Variants in PPP2R2C observed in about 807,000 individuals in gnomAD.
PPP2R2C encodes protein phosphatase 2 regulatory subunit Bgamma, also known as protein phosphatase 2, regulatory subunit B, gamma.
In PPP2R2C, 10 loss-of-function variants were observed where a neutral mutation model predicts 45.3. That is an observed-to-expected ratio of 0.22 (90% CI 0.14 to 0.37). PPP2R2C has a LOEUF of 0.37. Ranked by LOEUF, PPP2R2C falls within the 10% of genes least tolerant of loss-of-function variation. The pLI, the probability that PPP2R2C is intolerant of heterozygous loss-of-function variation, is 1.00. For missense variants in PPP2R2C, 308 were observed against 619.7 expected, an observed-to-expected ratio of 0.50 and a Z score of 5.34; for synonymous variants, 257 against 245.4, an observed-to-expected ratio of 1.05 and a Z score of -0.44.
intron 2 of PPP2R2C, among the ~76,000 whole-genome samples, chr4:6,504,432 T>C (rs1245219754): frequency 6.6e-6 from 1 of 151,954 alleles, no homozygotes; most frequent in East Asian, 1.9e-4. Context: ...AATTAATTGA[T>C]GTAAGAATAA....
rs1410731267 is a variant in PPP2R2C at position 6,336,640 on chromosome 4, C to T, written c.791-2909G>A. Among the ~76,000 whole-genome samples, 4 of 12,038 alleles carry T rather than the reference C, an allele frequency of 3.3e-4. No individual in the cohort carries two copies. In the South Asian group the frequency reaches 6.6e-3, roughly 20 times the overall value. The allele number at this position is 12,038 out of a possible 152,430, so 7.9% of individuals were successfully genotyped here. A position where few individuals can be genotyped will look rare whatever the true frequency, so the allele number is the denominator to read the frequency against. On this transcript the variant is annotated intron_variant, in intron 6 of 8. Transcript: ENST00000382599. ...GCAGCCCTACTGACTTACTTCCCTCCCTCCCTCCCTCCCTCCCTCCCTCCC... is the reference window on the plus strand; with the variant it reads ...GCAGCCCTACTGACTTACTTCCCTCTCTCCCTCCCTCCCTCCCTCCCTCCC...
At chr4:6,539,102 A>G (rs977415446) in intron 1 of PPP2R2C, among the ~76,000 whole-genome samples, 2 of 152,016 alleles carry the variant, frequency 1.3e-5, no homozygotes, top group Admixed American at 6.6e-5. Flanking sequence ...GGCGTCATTA[A>G]GCTGAGTCCC....
intron 1 of PPP2R2C, among the ~76,000 whole-genome samples, chr4:6,559,636 T>C (rs1239538057): frequency 1.3e-5 from 2 of 152,020 alleles, no homozygotes; most frequent in Non-Finnish European, 2.9e-5. Context: ...CAATGTGAGA[T>C]ATGAGGAGCC....
At chr4:6,395,418 G>A (rs1173587919) in intron 1 of PPP2R2C, among the ~76,000 whole-genome samples, 3 of 152,194 alleles carry the variant, frequency 2.0e-5, no homozygotes, top group African/African-American at 7.2e-5. Flanking sequence ...ACCAATGAGG[G>A]TTGGGTATGC....
At chr4:6,338,583 TCC>T (rs1471757516) in intron 6 of PPP2R2C, among the ~76,000 whole-genome samples, 1 of 152,050 alleles carries the variant, frequency 6.6e-6, no homozygotes, top group Non-Finnish European at 1.5e-5. Context: ...CCTCCTTGGC[TCC>T]CCAGTGCCCA....
chr4:6,419,456 G>A (rs1485579544), intron 1 of PPP2R2C, among the ~76,000 whole-genome samples: 1 of 151,536 alleles, frequency 6.6e-6, no homozygotes, highest in Non-Finnish European at 1.5e-5. Flanking sequence ...AAGAAAAGAA[G>A]AGAAAAGAAA....
intron 6 of PPP2R2C, 131 bp from the exon 7 acceptor site, chr4:6,333,862 G>C (rs1019204482): frequency 2.0e-5 from 19 of 965,010 alleles, no homozygotes; most frequent in African/African-American, 3.2e-5. Flanking sequence ...CTCAAACCTA[G>C]AACTAAACAC....
intron 2 of PPP2R2C, among the ~76,000 whole-genome samples, chr4:6,514,677 C>G (rs1723777846): frequency 6.6e-6 from 1 of 152,216 alleles, no homozygotes; most frequent in South Asian, 2.1e-4. Flanking sequence ...CACAGGTCAG[C>G]TCTGCAATGC....
chr4:6,518,922 T>A (rs1723916238), intron 2 of PPP2R2C, among the ~76,000 whole-genome samples: 4 of 92,896 alleles, frequency 4.3e-5, no homozygotes, highest in Non-Finnish European at 7.9e-5. Context: ...GACTCTGTCT[T>A]AAAAAAAAAA....
At chr4:6,523,009 C>T (rs997825419) in intron 2 of PPP2R2C, among the ~76,000 whole-genome samples, 1 of 152,192 alleles carries the variant, frequency 6.6e-6, no homozygotes, top group East Asian at 1.9e-4. Context: ...GGGGAGGCTC[C>T]GAACTCAAGC....
Position 6,563,187 on chromosome 4 carries a change from G to A in PPP2R2C, c.-59+373C>T, listed in dbSNP as rs1174975003. Reference sequence around the variant, plus strand: ...GGCTCGAGCGCGCCGGTTCTCGGCCGAGACGCTGTGGCTGACACCGGTGGA... The same window carrying A: ...GGCTCGAGCGCGCCGGTTCTCGGCCAAGACGCTGTGGCTGACACCGGTGGA... On this transcript the variant is annotated intron_variant, in intron 1 of 9. Transcript: ENST00000506140. The surrounding 1 kb of genome is among the most constrained non-coding windows in gnomAD (Gnocchi z 5.8). Among the ~76,000 whole-genome samples, 3 of 152,292 alleles carry A rather than the reference G, an allele frequency of 2.0e-5. No homozygotes were observed. The highest frequency in any genetic ancestry group is 2.1e-4 in the South Asian group (1 of 4,828).
rs1277712030 is a variant in PPP2R2C at position 6,370,057 on chromosome 4, G to C, written c.625+2466C>G. On this transcript the variant is annotated intron_variant, in intron 5 of 8. Coordinates refer to ENST00000382599, the MANE Select transcript of PPP2R2C (RefSeq NM_020416.4). Reference sequence around the variant, plus strand: ...TCACAGCAGCCCAGACAGGAAAACCGAGCAGCAATTACCATCCCCACCCAA... The same window carrying C: ...TCACAGCAGCCCAGACAGGAAAACCCAGCAGCAATTACCATCCCCACCCAA... Among the ~76,000 whole-genome samples, 3 of 152,318 alleles carry C rather than the reference G, an allele frequency of 2.0e-5. No homozygotes were observed. In the East Asian group the frequency reaches 5.8e-4, roughly 29 times the overall value.
chr4:6,478,237 C>CA (rs1722230047), intron 2 of PPP2R2C, among the ~76,000 whole-genome samples: 1 of 152,164 alleles, frequency 6.6e-6, no homozygotes, highest in Admixed American at 6.5e-5. Context: ...ATTGAATGGC[C>CA]ACAGGGGAGG....
chr4:6,538,807 A>G (rs1454170021), intron 1 of PPP2R2C, among the ~76,000 whole-genome samples: 1 of 152,198 alleles, frequency 6.6e-6, no homozygotes, highest in Non-Finnish European at 1.5e-5. Context: ...CCGCACCGTC[A>G]TGAAATGTCC....
rs78706321 is a variant in PPP2R2C, at chr4:6,545,974, G to T, written c.-58-10597C>A. On this transcript the variant is annotated intron_variant, in intron 1 of 9. Coordinates refer to the PPP2R2C transcript ENST00000506140. Reference sequence around the variant, plus strand: ...CAGTTCCCTGGGTGGGGGGTGGGGGGGTTGCGTGGGGCAGTTTCCAGAGAA... The same window carrying T: ...CAGTTCCCTGGGTGGGGGGTGGGGGTGTTGCGTGGGGCAGTTTCCAGAGAA... Among the ~76,000 whole-genome samples the T allele has an allele frequency of 1.5e-4, 23 of 152,170 alleles. No individual in the cohort carries two copies. In the East Asian group the frequency reaches 2.7e-3, roughly 18 times the overall value.
intron 1 of PPP2R2C, among the ~76,000 whole-genome samples, chr4:6,458,576 T>G (rs762330046): frequency 1.3e-5 from 2 of 152,180 alleles, no homozygotes; most frequent in Non-Finnish European, 2.9e-5. Flanking sequence ...CCTGTGAATT[T>G]GGAGGGGGTA....
chr4:6,442,918 G>A (rs774589151), intron 1 of PPP2R2C, among the ~76,000 whole-genome samples: 3 of 152,140 alleles, frequency 2.0e-5, no homozygotes, highest in Non-Finnish European at 4.4e-5. Context: ...CCCACAAGTC[G>A]CCCAAGGGGG....
intron 2 of PPP2R2C, among the ~76,000 whole-genome samples, chr4:6,478,882 G>T (rs1722256775): frequency 6.6e-6 from 1 of 152,204 alleles, no homozygotes; most frequent in African/African-American, 2.4e-5. Flanking sequence ...GGCTGGCTTT[G>T]TGCAGAGGTA....
Position 6,368,920 on chromosome 4 carries a change from G to A in PPP2R2C, c.625+3603C>T, listed in dbSNP as rs1202866192. Among the ~76,000 whole-genome samples the A allele has an allele frequency of 6.6e-6, 1 of 152,148 alleles. No individual in the cohort carries two copies. Among genetic ancestry groups the A allele is most frequent in the Non-Finnish European group, 1.5e-5 (1 of 68,040 alleles). On this transcript the variant is annotated intron_variant, in intron 5 of 8. Transcript: ENST00000382599. The surrounding 1 kb of genome is among the most constrained non-coding windows in gnomAD (Gnocchi z 4.2). ...ATAGCTTCATAGTTTCCCGTTCCCTGGAAGCAGGCAGGTGGGAAGTCGGCA... is the reference window on the plus strand; with the variant it reads ...ATAGCTTCATAGTTTCCCGTTCCCTAGAAGCAGGCAGGTGGGAAGTCGGCA...
Sources: allele counts gnomAD v4.1 joint callset (sites outside exome capture counted in the v4.1 genomes callset), GRCh38; gene constraint gnomAD v4.1.1; non-coding constraint Gnocchi (gnomAD v3.1); transcripts MANE v1.5; gene names NCBI Gene and HGNC (gene_info 2026-07-23, HGNC 2026-07-21).